The following FRMPD4 variants were observed in gnomAD, a reference collection of about 807,000 sequenced individuals.
The protein encoded by FRMPD4 is FERM and PDZ domain containing 4, also known as FERM and PDZ domain-containing protein 4.
A neutral mutation model predicts 94.1 loss-of-function variants in FRMPD4; 22 were observed. That is an observed-to-expected ratio of 0.23 (90% CI 0.17 to 0.33). The LOEUF is 0.33. Among genes scored for constraint, FRMPD4 ranks in the 10% least tolerant of loss-of-function variants. FRMPD4 has a pLI of 1.00. For synonymous variants in FRMPD4, 631 were observed against 548.6 expected, an observed-to-expected ratio of 1.15 and a Z score of -2.10; for missense variants, 1,111 against 1,339.9, an observed-to-expected ratio of 0.83 and a Z score of 2.67.
chrX:12,575,799 A>C (rs745671234), intron 2 of FRMPD4, among the ~76,000 whole-genome samples: 58 of 111,808 alleles, frequency 5.2e-4, no homozygotes, highest in African/African-American at 1.8e-3. Flanking sequence ...CTGGCTTTGA[A>C]GATGAAAGGG....
Position 12,696,730 on chromosome X carries a change from A to G in FRMPD4, c.933+2276A>G, listed in dbSNP as rs781651083. On this transcript the variant is annotated intron_variant, in intron 9 of 16. Coordinates refer to ENST00000675598, the MANE Select transcript of FRMPD4 (RefSeq NM_001368397.1). ...AGCATTTGTTAACTCTAGGTAGTTA[A>G]TAACACTGGTGTTTGCTTTACCATT... 9.8e-5 allele frequency among the ~76,000 whole-genome samples: 11 copies of G among 112,108 alleles called. No individual in the cohort carries two copies. The East Asian group carries it at 3.0e-3, about 31-fold the overall frequency.
At chrX:12,435,603 T>C (rs2057057432) in intron 1 of FRMPD4, among the ~76,000 whole-genome samples, 1 of 111,837 alleles carries the variant, frequency 8.9e-6, no homozygotes, top group African/African-American at 3.2e-5. Context: ...AGTAAATGCT[T>C]TCTTTGCTGT....
intron 2 of FRMPD4, among the ~76,000 whole-genome samples, chrX:12,549,422 T>G (rs2058511002): frequency 8.9e-6 from 1 of 112,690 alleles, no homozygotes; most frequent in East Asian, 2.7e-4. Context: ...TGTTCTCACT[T>G]TCCCATAAAG....
chrX:12,276,702 C>T (rs1311138229), intron 1 of FRMPD4, among the ~76,000 whole-genome samples: 1 of 111,599 alleles, frequency 9.0e-6, no homozygotes, highest in African/African-American at 3.3e-5. Context: ...CCATCATGGC[C>T]TGAAGTAGTT....
intron 5 of FRMPD4, among the ~76,000 whole-genome samples, chrX:12,679,323 A>G (rs1185423549): frequency 9.0e-6 from 1 of 111,665 alleles, no homozygotes; most frequent in Non-Finnish European, 1.9e-5. Flanking sequence ...TTTTATACTC[A>G]CAGGTCCTAG....
intron 2 of FRMPD4, among the ~76,000 whole-genome samples, chrX:12,595,529 G>A (rs4445400): frequency 0.068 from 7,559 of 111,243 alleles, 651 homozygotes; most frequent in African/African-American, 0.23. Context: ...TAATTATTCT[G>A]GAAAATAATT....
chrX:12,524,598 T>A (rs191008561), intron 2 of FRMPD4, among the ~76,000 whole-genome samples: 30 of 111,906 alleles, frequency 2.7e-4, no homozygotes, highest in African/African-American at 9.4e-4. Context: ...TCAAATTAAA[T>A]ATCATTAGTG....
At chrX:12,595,043 C>T (rs995496386) in intron 2 of FRMPD4, among the ~76,000 whole-genome samples, 1 of 111,798 alleles carries the variant, frequency 8.9e-6, no homozygotes, top group Non-Finnish European at 1.9e-5. Flanking sequence ...TCTTGGAAGG[C>T]TCAGTAAATG....
intron 3 of FRMPD4, among the ~76,000 whole-genome samples, chrX:11,888,314 ACACCTT>A (rs2053856929): frequency 8.9e-6 from 1 of 111,930 alleles, no homozygotes; most frequent in Non-Finnish European, 1.9e-5. Context: ...TTTTAACACT[ACACCTT>A]CACATTTTTT....
At chrX:12,265,282 AT>A (rs1380658227) in intron 1 of FRMPD4, among the ~76,000 whole-genome samples, 1 of 112,404 alleles carries the variant, frequency 8.9e-6, no homozygotes, top group Non-Finnish European at 1.9e-5. Flanking sequence ...TATAGAACAG[AT>A]TTTGATGCTG....
chrX:12,272,618 T>G (rs918663491), intron 1 of FRMPD4, among the ~76,000 whole-genome samples: 7 of 112,267 alleles, frequency 6.2e-5, no homozygotes, highest in African/African-American at 2.3e-4. Context: ...ATCTCAAAAG[T>G]ATAAAGTATG....
chrX:11,996,088 G>T (rs754216848), intron 3 of FRMPD4, among the ~76,000 whole-genome samples: 3 of 110,947 alleles, frequency 2.7e-5, no homozygotes, highest in African/African-American at 9.8e-5. Context: ...TAAAGATTTG[G>T]TTGTCTAGAT....
intron 1 of FRMPD4, among the ~76,000 whole-genome samples, chrX:12,312,225 A>T (rs2055041967): frequency 1.0e-5 from 1 of 98,505 alleles, no homozygotes; most frequent in East Asian, 3.0e-4. Flanking sequence ...TTCCTTTTCA[A>T]CTCTGCTCCA....
intron 3 of FRMPD4, among the ~76,000 whole-genome samples, chrX:11,961,152 C>G: frequency 8.9e-6 from 1 of 111,733 alleles, no homozygotes; most frequent in East Asian, 2.8e-4. Flanking sequence ...ATGTTTGGTG[C>G]CATACTATGA....
chrX:12,706,691 A>C, intron 11 of FRMPD4, 135 bp from the exon 12 acceptor site: 1 of 401,607 alleles, frequency 2.5e-6, no homozygotes, highest in Admixed American at 4.1e-5. Flanking sequence ...ATTCCTAATG[A>C]ATAGTCTTTG....
Position 12,701,190 on chromosome X carries a change from A to G in FRMPD4, c.934-684A>G, listed in dbSNP as rs1384107705. Among the ~76,000 whole-genome samples, 9 of 103,103 alleles carry G rather than the reference A, an allele frequency of 8.7e-5. No homozygotes were observed. The Admixed American group carries it at 9.0e-4, about 10-fold the overall frequency. 89.5% of individuals were successfully genotyped at this position (103,103 alleles called of 115,157 possible). ...TGGACTCAAGCGATCCTCCTGCTTCAGCCTCCCTAGTAGCTGGGACTACAG... is the reference window on the plus strand; with the variant it reads ...TGGACTCAAGCGATCCTCCTGCTTCGGCCTCCCTAGTAGCTGGGACTACAG... On this transcript the variant is annotated intron_variant, in intron 9 of 16. Transcript: ENST00000675598.
intron 3 of FRMPD4, among the ~76,000 whole-genome samples, chrX:11,889,331 A>C (rs2053862092): frequency 8.9e-6 from 1 of 112,232 alleles, no homozygotes; most frequent in South Asian, 3.7e-4. Flanking sequence ...TTTTTGACTT[A>C]AAATGGGCTT....
At chrX:12,448,139 CTCAG>C (rs2057222515) in intron 1 of FRMPD4, among the ~76,000 whole-genome samples, 1 of 111,748 alleles carries the variant, frequency 8.9e-6, no homozygotes, top group African/African-American at 3.3e-5. Flanking sequence ...TGTTTGTATA[CTCAG>C]TCAAAGTGAA....
chrX:12,720,873 C>A lies in FRMPD4; in HGVS notation c.4304C>A (p.Ala1435Glu). Reference sequence around the variant, plus strand: ...TTAAAGTGTCCAGGCATCACAGAAGCACAGGAGGCCAGTTCTGAAAGGCGA... The same window carrying A: ...TTAAAGTGTCCAGGCATCACAGAAGAACAGGAGGCCAGTTCTGAAAGGCGA... Reference protein sequence around the residue: ...VSLKCPGITEAQEASSERRAE... With the variant: ...VSLKCPGITEEQEASSERRAE... The change falls in exon 17 of 17, where the codon GCA becomes GAA. Residue 1435 changes from alanine to glutamate, a missense_variant. Coordinates refer to ENST00000675598, the MANE Select transcript of FRMPD4 (RefSeq NM_001368397.1). 1 of 858,143 alleles carries A rather than the reference C, an allele frequency of 1.2e-6. No homozygotes were observed. Among genetic ancestry groups the A allele is most frequent in the African/African-American group, 2.1e-5 (1 of 47,921 alleles). The allele number at this position is 858,143 out of a possible 1,213,427, so 70.7% of individuals were successfully genotyped here.
Sources: gnomAD v4.1 joint callset for allele counts (sites outside exome capture counted in the v4.1 genomes callset) on GRCh38, gnomAD v4.1.1 for gene constraint, MANE v1.5 for transcripts, NCBI Gene and HGNC (gene_info 2026-07-23, HGNC 2026-07-21) for gene names.